The following DOCK2 variants were observed in gnomAD, a reference collection of about 807,000 sequenced individuals.
The protein encoded by DOCK2 is dedicator of cytokinesis protein 2.
In DOCK2, 87 loss-of-function variants were observed where a neutral mutation model predicts 248.9. The observed-to-expected ratio is 0.35, with a 90% CI of 0.29 to 0.42. The LOEUF (loss-of-function observed/expected upper bound fraction) is 0.42. DOCK2 is among the 10% of genes least tolerant of loss of function. The pLI, the probability that DOCK2 is intolerant of heterozygous loss-of-function variation, is 1.00. For missense variants in DOCK2, 1,747 were observed against 2,300.2 expected, an observed-to-expected ratio of 0.76 and a Z score of 4.92; for synonymous variants, 805 against 821.6, an observed-to-expected ratio of 0.98 and a Z score of 0.35.
At chr5:169,890,557 C>T (rs1009582383) in intron 27 of DOCK2, among the ~76,000 whole-genome samples, 1 of 152,126 alleles carries the variant, frequency 6.6e-6, no homozygotes, top group Non-Finnish European at 1.5e-5. Flanking sequence ...CGGCAGCTTT[C>T]TCAGTAAGGA....
intron 32 of DOCK2, among the ~76,000 whole-genome samples, chr5:170,010,285 T>C (rs1307543934): frequency 1.3e-5 from 2 of 152,180 alleles, no homozygotes; most frequent in East Asian, 3.9e-4. Context: ...TACCCTGTTT[T>C]TCTAGAAAGG....
chr5:169,932,490 G>T (rs998395790), intron 27 of DOCK2, among the ~76,000 whole-genome samples: 2 of 152,222 alleles, frequency 1.3e-5, no homozygotes, highest in Admixed American at 6.5e-5. Flanking sequence ...GATGGAACAT[G>T]CTTCTGGGTG....
At chr5:169,885,973 G>C (rs530210054) in intron 27 of DOCK2, among the ~76,000 whole-genome samples, 1 of 152,220 alleles carries the variant, frequency 6.6e-6, no homozygotes, top group South Asian at 2.1e-4. Context: ...TTGAACCCAG[G>C]TGTCTGTCAT....
In DOCK2 at chr5:169,800,944, C is replaced by CTTTCT. The variant is rs1248380098; in HGVS notation, c.2555-2111_2555-2110insCTTTT. ...TTTTTCTTTTTTCTTTTCTTTCTTT[C>CTTTCT]TTTTTTTTTTTTTTTTTTTTTTTTT... On this transcript the variant is annotated intron_variant, in intron 25 of 51. Transcript: ENST00000520908. Among the ~76,000 whole-genome samples the CTTTCT allele has an allele frequency of 8.1e-4, 43 of 53,196 alleles. 1 individual carries two copies. Among genetic ancestry groups the CTTTCT allele is most frequent in the African/African-American group, 5.5e-3 (39 of 7,152 alleles). The allele number at this position is 53,196 out of a possible 152,430, so 34.9% of individuals were successfully genotyped here.
intron 32 of DOCK2, among the ~76,000 whole-genome samples, chr5:170,016,692 C>A (rs1384756594): frequency 6.6e-6 from 1 of 152,212 alleles, no homozygotes; most frequent in East Asian, 1.9e-4. Context: ...GCCCAATGCC[C>A]TCCAGTATTC....
chr5:169,862,475 G>A (rs1771265992), intron 27 of DOCK2, among the ~76,000 whole-genome samples: 1 of 152,042 alleles, frequency 6.6e-6, no homozygotes, highest in African/African-American at 2.4e-5. Flanking sequence ...CCATTGCTGG[G>A]GCCAACTGAC....
chr5:170,006,953 TC>T (rs1466342935), intron 30 of DOCK2, among the ~76,000 whole-genome samples: 1 of 152,182 alleles, frequency 6.6e-6, no homozygotes, highest in African/African-American at 2.4e-5. Context: ...AGCTTCAGTC[TC>T]CTCATCTATA....
intron 14 of DOCK2, among the ~76,000 whole-genome samples, chr5:169,707,354 T>C (rs1416405336): frequency 6.6e-6 from 1 of 152,198 alleles, no homozygotes; most frequent in Non-Finnish European, 1.5e-5. Context: ...ATTTCTGCTG[T>C]GTGCCAACTT....
chr5:169,763,970 T>C lies in DOCK2; in HGVS notation c.2554+2345T>C, dbSNP rs1764628456. Among the ~76,000 whole-genome samples, 1 of 152,234 alleles carries C rather than the reference T, an allele frequency of 6.6e-6. No individual in the cohort carries two copies. The highest frequency in any genetic ancestry group is 6.5e-5 in the Admixed American group (1 of 15,282). On this transcript the variant is annotated intron_variant, in intron 25 of 51. Coordinates refer to ENST00000520908, the MANE Select transcript of DOCK2 (RefSeq NM_004946.3). The surrounding 1 kb of genome is among the most constrained non-coding windows in gnomAD (Gnocchi z 4.1). ...AATAGTCCCAAAGGGAAACTTCAGC[T>C]CATCCCCTTTCTTAAATCCTCAAGT...
chr5:169,826,521 C>A (rs1349743815), intron 26 of DOCK2, among the ~76,000 whole-genome samples: 1 of 151,918 alleles, frequency 6.6e-6, no homozygotes, highest in Non-Finnish European at 1.5e-5. Flanking sequence ...TGCCTGTAGT[C>A]CAAGGTAAAG....
rs75374386 is a variant in DOCK2 at position 169,740,935 on chromosome 5, G to A, written c.2268-6461G>A. Among the ~76,000 whole-genome samples the A allele has an allele frequency of 8.7e-4, 132 of 152,024 alleles. 1 individual carries two copies. The East Asian group carries it at 0.017, about 20-fold the overall frequency. On this transcript the variant is annotated intron_variant, in intron 22 of 51. Transcript: ENST00000520908. ...ACTGCAACCTTGACTTCCTGGGCTC[G>A]GGCGATCCTCCAGCCTCAGCCTCCC...
rs1490008521 is a variant in DOCK2 at position 169,763,902 on chromosome 5, C to A, written c.2554+2277C>A. 6.6e-6 allele frequency among the ~76,000 whole-genome samples: 1 copy of A among 152,218 alleles called. No homozygotes were observed. Among genetic ancestry groups the A allele is most frequent in the East Asian group, 1.9e-4 (1 of 5,206 alleles). On this transcript the variant is annotated intron_variant, in intron 25 of 51. Coordinates refer to ENST00000520908, the MANE Select transcript of DOCK2 (RefSeq NM_004946.3). The surrounding 1 kb of genome is among the most constrained non-coding windows in gnomAD (Gnocchi z 4.1). ...GACCTTATTCACAGCTGAAAGGTAA[C>A]TCCTCTCCCACCATCTATTTGCTAA...
At chr5:169,950,564 T>A (rs1269734270) in intron 27 of DOCK2, among the ~76,000 whole-genome samples, 3 of 152,184 alleles carry the variant, frequency 2.0e-5, no homozygotes, top group Non-Finnish European at 4.4e-5. Flanking sequence ...GGGGGTTGTG[T>A]CAGTTTCTCT....
intron 27 of DOCK2, among the ~76,000 whole-genome samples, chr5:169,954,134 A>G (rs1776772937): frequency 6.6e-6 from 1 of 152,182 alleles, no homozygotes; most frequent in Non-Finnish European, 1.5e-5. Context: ...TTTCACATTA[A>G]TTATTATTGT....
intron 32 of DOCK2, among the ~76,000 whole-genome samples, chr5:170,014,230 G>T (rs530742480): frequency 1.6e-3 from 238 of 152,076 alleles, no homozygotes; most frequent in African/African-American, 5.5e-3. Flanking sequence ...ACTCATTCAT[G>T]TAATAACCAA....
At chr5:169,997,445 G>A (rs1007840456) in intron 30 of DOCK2, among the ~76,000 whole-genome samples, 3 of 145,974 alleles carry the variant, frequency 2.1e-5, no homozygotes, top group East Asian at 2.0e-4. Flanking sequence ...GCTGGGGGAC[G>A]GTCAGGTCTT....
chr5:169,811,544 G>T (rs185643707), intron 26 of DOCK2, among the ~76,000 whole-genome samples: 6 of 152,166 alleles, frequency 3.9e-5, no homozygotes, highest in African/African-American at 1.2e-4. Flanking sequence ...TGTGACCAAG[G>T]CTGCTTTGTT....
chr5:170,028,038 G>C (rs374264796), intron 34 of DOCK2, 90 bp downstream of exon 34: 66 of 1,187,714 alleles, frequency 5.6e-5, no homozygotes, highest in Non-Finnish European at 7.5e-5. Context: ...GAGTGGCTCT[G>C]TCCTCCCCTG....
At chr5:169,911,736 C>A (rs1270521596) in intron 27 of DOCK2, among the ~76,000 whole-genome samples, 1 of 152,072 alleles carries the variant, frequency 6.6e-6, no homozygotes, top group Non-Finnish European at 1.5e-5. Context: ...GACTTCAAAC[C>A]CTTTATCTGA....
Sources: allele counts gnomAD v4.1 joint callset (sites outside exome capture counted in the v4.1 genomes callset), GRCh38; gene constraint gnomAD v4.1.1; non-coding constraint Gnocchi (gnomAD v3.1); transcripts MANE v1.5; gene names NCBI Gene and HGNC (gene_info 2026-07-23, HGNC 2026-07-21).